GLDC: variants seen among roughly 807,000 people sequenced by gnomAD.
The protein encoded by GLDC is glycine decarboxylase.
A neutral mutation model predicts 121.3 loss-of-function variants in GLDC; 104 were observed. That is an observed-to-expected ratio of 0.86 (90% CI 0.73 to 1.01). The LOEUF (loss-of-function observed/expected upper bound fraction) is 1.01. GLDC is among the 50% of genes least tolerant of loss of function. The pLI is 0.00. For missense variants in GLDC, 1,429 were observed against 1,306.6 expected (o/e 1.09, Z -1.44); for synonymous variants, 546 against 480.6 (o/e 1.14, Z -1.78).
intron 10 of GLDC, 134 bp downstream of exon 10, chr9:6,592,717 A>T: frequency 3.8e-6 from 3 of 784,878 alleles, no homozygotes; most frequent in African/African-American, 3.5e-5. Context: ...AATGTAAATA[A>T]CACTTGTTTA....
chr9:6,592,691 G>C (rs1818398098), intron 10 of GLDC, among the ~76,000 whole-genome samples, 160 bp downstream of exon 10: 2 of 152,218 alleles, frequency 1.3e-5, no homozygotes, highest in Non-Finnish European at 1.5e-5. Flanking sequence ...TTACTGAAAA[G>C]ACCACAGTGT....
chr9:6,559,450 G>T, intron 16 of GLDC, among the ~76,000 whole-genome samples: 1 of 149,702 alleles, frequency 6.7e-6, no homozygotes, highest in Middle Eastern at 3.2e-3. Flanking sequence ...AGGAGGTGTA[G>T]GTTGCGGTGA....
At chr9:6,542,529 C>T (rs1394541561) in intron 21 of GLDC, among the ~76,000 whole-genome samples, 1 of 152,044 alleles carries the variant, frequency 6.6e-6, no homozygotes, top group Admixed American at 6.5e-5. Flanking sequence ...TGAGCCACTG[C>T]GCCCAGGCAA....
intron 2 of GLDC, 105 bp from the exon 3 acceptor site, chr9:6,620,424 T>C: frequency 1.0e-6 from 1 of 984,554 alleles, no homozygotes; most frequent in Non-Finnish European, 1.6e-6. Context: ...ACAGAATAAC[T>C]ATATGGAAAA....
chr9:6,642,025 G>A (rs548861837), intron 2 of GLDC, among the ~76,000 whole-genome samples: 4 of 152,240 alleles, frequency 2.6e-5, no homozygotes, highest in African/African-American at 7.2e-5. Flanking sequence ...ACCATGACAC[G>A]TGCACACCTC....
intron 16 of GLDC, among the ~76,000 whole-genome samples, chr9:6,563,081 G>C (rs1817789652): frequency 6.6e-6 from 1 of 152,184 alleles, no homozygotes; most frequent in Non-Finnish European, 1.5e-5. Context: ...ATCACACACA[G>C]TGGGTGGAGA....
chr9:6,555,102 C>T (rs921027158), intron 18 of GLDC, among the ~76,000 whole-genome samples: 2 of 152,248 alleles, frequency 1.3e-5, no homozygotes, highest in African/African-American at 4.8e-5. Context: ...GTCTCTAACA[C>T]AAGAAAGGGC....
chr9:6,629,958 T>TATATATATATATATATG, intron 2 of GLDC, among the ~76,000 whole-genome samples: 1 of 78,676 alleles, frequency 1.3e-5, no homozygotes, highest in Non-Finnish European at 2.4e-5. Context: ...TATATATATA[T>TATATATATATATATATG]TTTTTTTTTT....
intron 20 of GLDC, among the ~76,000 whole-genome samples, chr9:6,552,928 G>GCC (rs1255816035): frequency 2.1e-5 from 3 of 143,828 alleles, no homozygotes; most frequent in Middle Eastern, 3.3e-3. Context: ...CTTCTCCTCT[G>GCC]GCCCCCCCCA....
chr9:6,595,152 A>G (rs1424948133), intron 8 of GLDC, 33 bp from the exon 9 acceptor site: 3 of 1,358,034 alleles, frequency 2.2e-6, no homozygotes, highest in South Asian at 1.2e-5. Context: ...GAATCACGTG[A>G]TGGAGGACAA....
chr9:6,575,839 A>ATT (rs1441164067), intron 15 of GLDC, among the ~76,000 whole-genome samples: 1 of 152,214 alleles, frequency 6.6e-6, no homozygotes, highest in African/African-American at 2.4e-5. Flanking sequence ...CTGCTGAATG[A>ATT]TTTGAAGAGT....
intron 3 of GLDC, among the ~76,000 whole-genome samples, chr9:6,611,724 T>C (rs546515365): frequency 1.1e-4 from 17 of 152,348 alleles, no homozygotes; most frequent in Middle Eastern, 3.4e-3. Flanking sequence ...CTGTGATGAA[T>C]TCTTTGGAAC....
At chr9:6,595,242 A>C in intron 8 of GLDC, 123 bp from the exon 9 acceptor site, 1 of 771,448 alleles carries the variant, frequency 1.3e-6, no homozygotes, top group Admixed American at 1.9e-5. Context: ...GATTTCCTAC[A>C]TTCTTTGATA....
chr9:6,569,982 G>A (rs906903069), intron 15 of GLDC, among the ~76,000 whole-genome samples: 2 of 152,092 alleles, frequency 1.3e-5, no homozygotes, highest in South Asian at 2.1e-4. Flanking sequence ...GCTCATGGCC[G>A]GGGGGATTAA....
At chr9:6,541,546 G>C (rs930792322) in intron 21 of GLDC, 1 of 152,210 alleles carries the variant, frequency 6.6e-6, no homozygotes, top group African/African-American at 2.4e-5. Flanking sequence ...GGTGGAGCTG[G>C]GCTCATTGGC....
intron 2 of GLDC, among the ~76,000 whole-genome samples, chr9:6,623,955 G>T (rs1365191211): frequency 1.3e-5 from 2 of 152,176 alleles, no homozygotes. Context: ...TCCTGTGCAG[G>T]GGGGACAGGT....
chr9:6,600,761 G>A (rs1818592866), intron 8 of GLDC, among the ~76,000 whole-genome samples: 1 of 152,104 alleles, frequency 6.6e-6, no homozygotes, highest in African/African-American at 2.4e-5. Context: ...ACTGATCCTA[G>A]GGTTTGGCTG....
intron 2 of GLDC, among the ~76,000 whole-genome samples, chr9:6,634,401 C>T (rs1423961068): frequency 2.0e-5 from 3 of 151,822 alleles, no homozygotes; most frequent in African/African-American, 4.8e-5. Context: ...TGGTAGCTCA[C>T]GCCAGCAGTC....
chr9:6,535,656 A>G (rs2129648086), intron 23 of GLDC, among the ~76,000 whole-genome samples: 1 of 152,306 alleles, frequency 6.6e-6, no homozygotes, highest in Non-Finnish European at 1.5e-5. Flanking sequence ...TTTCCCCAAC[A>G]TGGGGCATAA....
Sources: allele counts gnomAD v4.1 joint callset (sites outside exome capture counted in the v4.1 genomes callset), GRCh38; gene constraint gnomAD v4.1.1; transcripts MANE v1.5; gene names NCBI Gene and HGNC (gene_info 2026-07-23, HGNC 2026-07-21).